ERP44: variants seen among roughly 807,000 people sequenced by gnomAD.
ERP44 encodes the protein endoplasmic reticulum protein 44, also known as endoplasmic reticulum resident protein 44.
In ERP44, 25 loss-of-function variants were observed where a neutral mutation model predicts 53.4. That is an observed-to-expected ratio of 0.47 (90% CI 0.34 to 0.65). The LOEUF is 0.65. Ranked by LOEUF, ERP44 falls within the 30% of genes least tolerant of loss-of-function variation. The pLI is 0.01. For synonymous variants in ERP44, 145 were observed against 161.2 expected (o/e 0.90, Z 0.76); for missense variants, 338 against 493.2 (o/e 0.69, Z 2.98).
chr9:100,021,413 C>G (rs1016423845), intron 5 of ERP44, among the ~76,000 whole-genome samples: 1 of 152,170 alleles, frequency 6.6e-6, no homozygotes, highest in African/African-American at 2.4e-5. Flanking sequence ...GTGATGTGAG[C>G]AATAAAGTCC....
intron 4 of ERP44, among the ~76,000 whole-genome samples, chr9:100,024,061 C>G (rs182679932): frequency 6.6e-6 from 1 of 151,870 alleles, no homozygotes; most frequent in Non-Finnish European, 1.5e-5. Flanking sequence ...GGCTGAGGCA[C>G]GAGAATCTCT....
chr9:100,053,178 T>C (rs1244841445), intron 3 of ERP44, among the ~76,000 whole-genome samples: 2 of 152,226 alleles, frequency 1.3e-5, no homozygotes, highest in Admixed American at 6.5e-5. Context: ...ATATATGGTA[T>C]ATAATTAACT....
chr9:100,062,514 A>G (rs1342225455), intron 1 of ERP44, among the ~76,000 whole-genome samples: 2 of 152,226 alleles, frequency 1.3e-5, no homozygotes, highest in Non-Finnish European at 2.9e-5. Context: ...AGAACAATGA[A>G]GTTGGCATTA....
intron 1 of ERP44, among the ~76,000 whole-genome samples, chr9:100,098,450 C>G (rs951124371): frequency 2.6e-5 from 4 of 152,204 alleles, no homozygotes; most frequent in African/African-American, 9.7e-5. Flanking sequence ...TAGGTCTATG[C>G]TTGGTCTTTT....
chr9:100,078,485 C>T (rs1279475469), intron 1 of ERP44, among the ~76,000 whole-genome samples: 6 of 124,994 alleles, frequency 4.8e-5, no homozygotes, highest in South Asian at 2.5e-4. Flanking sequence ...CCGGGTGCAG[C>T]GGCTCATGCC....
chr9:100,058,141 T>A (rs1230470652), intron 2 of ERP44, among the ~76,000 whole-genome samples: 1 of 152,154 alleles, frequency 6.6e-6, no homozygotes, highest in Admixed American at 6.5e-5. Context: ...AGTGGCATGA[T>A]CAAAACCCAG....
chr9:100,009,896 C>G (rs903140774), intron 8 of ERP44, among the ~76,000 whole-genome samples: 1 of 152,154 alleles, frequency 6.6e-6, no homozygotes, highest in African/African-American at 2.4e-5. Context: ...TGCCGCTTCT[C>G]TAAAGTCATC....
rs1173476609 is a variant in ERP44 at position 99,994,505 on chromosome 9, G to A, written c.1017-9436C>T. Among the ~76,000 whole-genome samples, 10 of 152,096 alleles carry A rather than the reference G, an allele frequency of 6.6e-5. No homozygotes were observed. In the East Asian group the frequency reaches 1.7e-3, roughly 26 times the overall value. ...CATCACACACCGGGGCCTGGTGTGG[G>A]GTGAGGGGAGCGGGGAGGGATAGCA... On this transcript the variant is annotated intron_variant, in intron 10 of 11. Coordinates refer to ENST00000262455, the MANE Select transcript of ERP44 (RefSeq NM_015051.3).
chr9:99,993,123 A>G (rs1830273395), intron 10 of ERP44, among the ~76,000 whole-genome samples: 1 of 152,228 alleles, frequency 6.6e-6, no homozygotes, highest in Non-Finnish European at 1.5e-5. Context: ...CATCCCCATC[A>G]AGCTACCAGT....
At position 100,087,379 on chromosome 9, in the gene ERP44, A is replaced by C. The variant is rs559363481; in HGVS notation, c.57+11405T>G. 1.4e-4 allele frequency among the ~76,000 whole-genome samples: 22 copies of C among 152,310 alleles called. No homozygotes were observed. The East Asian group carries it at 3.7e-3, about 25-fold the overall frequency. ...CAAAGGCCGGAAGCTGGTCAAGTGA[A>C]CTCATTACATCAGTGCACACAATTT... On this transcript the variant is annotated intron_variant, in intron 1 of 11. Coordinates refer to ENST00000262455, the MANE Select transcript of ERP44 (RefSeq NM_015051.3).
At chr9:100,060,049 AACTC>A in intron 2 of ERP44, 47 bp downstream of exon 2, 3 of 1,310,792 alleles carry the variant, frequency 2.3e-6, no homozygotes, top group Non-Finnish European at 3.0e-6. Flanking sequence ...TATATAAACT[AACTC>A]TCTATAGAGA....
chr9:100,063,342 G>A (rs55773628), intron 1 of ERP44, among the ~76,000 whole-genome samples: 1,904 of 152,208 alleles, frequency 0.013, 32 homozygotes, highest in African/African-American at 0.044. Context: ...CCTGTAGGGT[G>A]TAAAGGAGGC....
chr9:100,073,490 C>G (rs1024964277), intron 1 of ERP44, among the ~76,000 whole-genome samples: 4 of 152,176 alleles, frequency 2.6e-5, no homozygotes, highest in Admixed American at 6.5e-5. Flanking sequence ...CTCCTGACCT[C>G]AGAGTTCTAT....
chr9:100,026,519 A>G (rs1208750496), intron 4 of ERP44, among the ~76,000 whole-genome samples: 1 of 152,242 alleles, frequency 6.6e-6, no homozygotes, highest in Non-Finnish European at 1.5e-5. Flanking sequence ...AGTTTATGAA[A>G]GAAACACAGA....
intron 4 of ERP44, among the ~76,000 whole-genome samples, chr9:100,043,436 C>T (rs117794059): frequency 0.026 from 3,969 of 151,700 alleles, 72 homozygotes; most frequent in Non-Finnish European, 0.038. Context: ...GTCATGGATA[C>T]CCTGATGTGA....
At chr9:100,034,409 T>G (rs1181013957) in intron 4 of ERP44, among the ~76,000 whole-genome samples, 2 of 152,146 alleles carry the variant, frequency 1.3e-5, no homozygotes, top group Non-Finnish European at 2.9e-5. Context: ...TGCCCACCAC[T>G]TTCCTAGAAA....
At chr9:99,995,609 T>A (rs981940339) in intron 10 of ERP44, among the ~76,000 whole-genome samples, 2 of 152,200 alleles carry the variant, frequency 1.3e-5, no homozygotes, top group Non-Finnish European at 2.9e-5. Flanking sequence ...ATGAGTGAGA[T>A]CATGCAGTAT....
chr9:100,045,618 T>G (rs113473848), intron 4 of ERP44, among the ~76,000 whole-genome samples: 41 of 152,272 alleles, frequency 2.7e-4, no homozygotes, highest in African/African-American at 9.4e-4. Context: ...TTACAGGAAC[T>G]TTTCCAAGAA....
chr9:100,094,048 G>A (rs1418311691), intron 1 of ERP44, among the ~76,000 whole-genome samples: 1 of 152,166 alleles, frequency 6.6e-6, no homozygotes, highest in Non-Finnish European at 1.5e-5. Flanking sequence ...CTATCTCAAA[G>A]ATACACTATC....
Sources: allele counts gnomAD v4.1 joint callset (sites outside exome capture counted in the v4.1 genomes callset), GRCh38; gene constraint gnomAD v4.1.1; transcripts MANE v1.5; gene names NCBI Gene and HGNC (gene_info 2026-07-23, HGNC 2026-07-21).